Variants in FGD5 observed in about 807,000 individuals in gnomAD.
FGD5 encodes the protein FYVE, RhoGEF and PH domain-containing protein 5.
Under a neutral mutation model 133.4 loss-of-function variants are expected in FGD5, and 28 were observed. That is an observed-to-expected ratio of 0.21 (90% CI 0.16 to 0.29). The LOEUF is 0.29. FGD5 is among the 10% of genes least tolerant of loss of function. The pLI, the probability that FGD5 is intolerant of heterozygous loss-of-function variation, is 1.00. For synonymous variants in FGD5, 810 were observed against 776.5 expected, an observed-to-expected ratio of 1.04 and a Z score of -0.72; for missense variants, 1,858 against 1,895.2, an observed-to-expected ratio of 0.98 and a Z score of 0.36.
At chr3:14,913,355 A>G (rs973336334) in intron 11 of FGD5, among the ~76,000 whole-genome samples, 3 of 152,110 alleles carry the variant, frequency 2.0e-5, no homozygotes, top group Non-Finnish European at 4.4e-5. Flanking sequence ...ATCTAGAGCT[A>G]TAGATCTCAT....
chr3:14,843,683 G>A (rs1243647489), intron 1 of FGD5, among the ~76,000 whole-genome samples: 3 of 100,162 alleles, frequency 3.0e-5, no homozygotes, highest in African/African-American at 8.3e-5. Flanking sequence ...CATCCCCAGG[G>A]TGCTTTTTTT....
intron 18 of FGD5, 78 bp from the exon 19 acceptor site, chr3:14,932,499 A>G: frequency 6.7e-7 from 1 of 1,500,730 alleles, no homozygotes; most frequent in Non-Finnish European, 9.0e-7. Context: ...CTCTTCACGC[A>G]TCTCAGATTG....
At position 14,819,551 on chromosome 3, in the gene FGD5, G is replaced by A. The variant is rs1401343564; in HGVS notation, c.480G>A (p.Val160=). 3 of 1,551,470 alleles carry A rather than the reference G, an allele frequency of 1.9e-6. No individual in the cohort carries two copies. The highest frequency in any genetic ancestry group is 2.6e-6 in the Non-Finnish European group (3 of 1,146,984). ...ATGAGCCAGGGACACTGGAGCAGGT[G>A]TCCAGAAGTGAGGAGGAAGAGAAGC... ...CADEPGTLEQ[V]SRSEEEEKLV... The change falls in exon 1 of 20, where the codon GTG becomes GTA. Residue 160 remains valine, a synonymous_variant. Coordinates refer to ENST00000285046, the MANE Select transcript of FGD5 (RefSeq NM_152536.4). The surrounding 1 kb of genome is among the most constrained non-coding windows in gnomAD (Gnocchi z 4.1).
rs148560274 is a variant in FGD5 at position 14,886,645 on chromosome 3, C to T, written c.2748+5873C>T. On this transcript the variant is annotated intron_variant, in intron 4 of 19. Transcript: ENST00000285046. Reference sequence around the variant, plus strand: ...CTCCTCTGCACTCCCTCTCACACCTCGTTTTCTTCACACCACCTTTCCCTG... The same window carrying T: ...CTCCTCTGCACTCCCTCTCACACCTTGTTTTCTTCACACCACCTTTCCCTG... Among the ~76,000 whole-genome samples the T allele has an allele frequency of 3.8e-4, 58 of 152,316 alleles. No homozygotes were observed. The East Asian group carries it at 8.1e-3, about 21-fold the overall frequency.
At chr3:14,924,764 T>C (rs577568465) in intron 17 of FGD5, among the ~76,000 whole-genome samples, 1 of 152,166 alleles carries the variant, frequency 6.6e-6, no homozygotes, top group African/African-American at 2.4e-5. Context: ...ATAGGTACAG[T>C]TTTATCCATT....
intron 1 of FGD5, among the ~76,000 whole-genome samples, chr3:14,842,708 C>T (rs1418970807): frequency 6.6e-6 from 1 of 152,242 alleles, no homozygotes; most frequent in Non-Finnish European, 1.5e-5. Flanking sequence ...AACCCTCTGC[C>T]ATCTTCCCTG....
intron 2 of FGD5, among the ~76,000 whole-genome samples, chr3:14,870,678 A>G (rs2037590041): frequency 6.6e-6 from 1 of 152,136 alleles, no homozygotes; most frequent in African/African-American, 2.4e-5. Flanking sequence ...AGCCATGGCC[A>G]GCCCTACGCA....
intron 2 of FGD5, among the ~76,000 whole-genome samples, chr3:14,872,025 A>G (rs1035113662): frequency 1.3e-5 from 2 of 152,194 alleles, no homozygotes; most frequent in African/African-American, 4.8e-5. Context: ...CTGCCTGTTG[A>G]CAAGATCCTC....
rs771369054 is a variant in FGD5, at chr3:14,819,475, G to T, written c.404G>T (p.Gly135Val). 38 of 1,551,220 alleles carry T rather than the reference G, an allele frequency of 2.4e-5. No individual in the cohort carries two copies. The South Asian group carries it at 4.4e-4, about 18-fold the overall frequency. The change falls in exon 1 of 20, where the codon GGT (glycine) becomes GTT (valine). Residue 135 changes from glycine to valine, a missense_variant. By Grantham distance (109) the Gly-to-Val change is moderately radical. Coordinates refer to ENST00000285046, the MANE Select transcript of FGD5 (RefSeq NM_152536.4). The surrounding 1 kb of genome is among the most constrained non-coding windows in gnomAD (Gnocchi z 4.1). ...APGAGALSRE[G>V]EEGTDLALED... The stretch of plus-strand genomic sequence containing the variant: ...GGTGCAGGAGCGCTGAGCAGGGAGG[G>T]TGAGGAAGGCACAGACCTTGCTCTT...
At chr3:14,855,303 T>C (rs1363738366) in intron 1 of FGD5, among the ~76,000 whole-genome samples, 1 of 152,232 alleles carries the variant, frequency 6.6e-6, no homozygotes, top group Non-Finnish European at 1.5e-5. Context: ...CTGTGAATAG[T>C]GCTGCAGTAA....
intron 18 of FGD5, among the ~76,000 whole-genome samples, chr3:14,930,480 C>T (rs2038884034): frequency 6.6e-6 from 1 of 152,110 alleles, no homozygotes; most frequent in Non-Finnish European, 1.5e-5. Flanking sequence ...ACCTGTAATT[C>T]CAGCTACTTG....
Position 14,908,945 on chromosome 3 carries a change from T to TTCATTC in FGD5, c.3336+1234_3336+1235insTCATTC, listed in dbSNP as rs1553630938. Among the ~76,000 whole-genome samples, 7 of 143,448 alleles carry TTCATTC rather than the reference T, an allele frequency of 4.9e-5. No homozygotes were observed. In the South Asian group the frequency reaches 9.3e-4, roughly 19 times the overall value. 94.1% of individuals were successfully genotyped at this position (143,448 alleles called of 152,430 possible). A position where few individuals can be genotyped will look rare whatever the true frequency, so the allele number is the denominator to read the frequency against. On this transcript the variant is annotated intron_variant, in intron 10 of 19. Transcript: ENST00000285046. Reference sequence around the variant, plus strand: ...GAATTTATTTATTTATTTATTTATTTATTTATTCATTCATTCATTCATTCA... The same window carrying TTCATTC: ...GAATTTATTTATTTATTTATTTATTTTCATTCATTTATTCATTCATTCATTCATTCA...
intron 9 of FGD5, among the ~76,000 whole-genome samples, chr3:14,903,354 T>TTTA (rs529647828): frequency 0.022 from 3,352 of 151,542 alleles, 47 homozygotes; most frequent in South Asian, 0.037. Flanking sequence ...TATGAACATC[T>TTTA]TTATTATTAT....
At chr3:14,898,940 G>A in intron 7 of FGD5, 114 bp downstream of exon 7, 1 of 917,882 alleles carries the variant, frequency 1.1e-6, no homozygotes, top group Non-Finnish European at 1.7e-6. Flanking sequence ...GCAGGTGTTG[G>A]GGAAGGGTGA....
Position 14,880,614 on chromosome 3 carries a change from C to A in FGD5, c.2701C>A (p.Leu901Ile). The A allele has an allele frequency of 6.2e-7, 1 of 1,613,984 alleles. No homozygotes were observed. Among genetic ancestry groups the A allele is most frequent in the Non-Finnish European group, 8.5e-7 (1 of 1,179,888 alleles). ...AGCCCTTGTCATCGCACAGGAACTG[C>A]TATCTTCAGAGAAAGCGTGAGTCCC... ...SRALVIAQELLSSEKAYVEML... is the reference protein window; with the variant it reads ...SRALVIAQELISSEKAYVEML... Residue 901 changes from leucine (L) to isoleucine (I), a missense_variant, in exon 3 of 20, where the codon CTA (leucine) becomes ATA (isoleucine). This residue lies in a region of FGD5 where 1,824 missense variants were observed against 1,848.9 expected (regional missense o/e 0.99). Transcript: ENST00000285046.
intron 4 of FGD5, among the ~76,000 whole-genome samples, chr3:14,889,345 T>A (rs1306241224): frequency 6.6e-6 from 1 of 152,224 alleles, no homozygotes; most frequent in Non-Finnish European, 1.5e-5. Flanking sequence ...AATGGAATCA[T>A]AAATTAGGTA....
rs569563751 is a variant in FGD5, at chr3:14,865,763, A to G, written c.2658+1503A>G. On this transcript the variant is annotated intron_variant, in intron 2 of 19. Transcript: ENST00000285046. ...CACACAGCTAGTGAATGAAGGGGTCAGGTCTCAAGCACAGCTCTGGCTGGC... is the reference window on the plus strand; with the variant it reads ...CACACAGCTAGTGAATGAAGGGGTCGGGTCTCAAGCACAGCTCTGGCTGGC... Among the ~76,000 whole-genome samples the G allele has an allele frequency of 1.1e-3, 165 of 152,374 alleles. No homozygotes were observed. The Middle Eastern group carries it at 0.02, about 19-fold the overall frequency.
chr3:14,888,483 C>T (rs930852180), intron 4 of FGD5, among the ~76,000 whole-genome samples: 3 of 152,100 alleles, frequency 2.0e-5, no homozygotes, highest in Admixed American at 1.3e-4. Context: ...CTAAACATGG[C>T]GTATTTTCTA....
rs1160964611 is a variant in FGD5 at position 14,933,406 on chromosome 3, G to A, written c.*239G>A. On this transcript the variant is annotated 3_prime_UTR_variant, in exon 20 of 20. Transcript: ENST00000285046. ...GTGTTTTCCACCCCTACCCCCACCCGCCACCCAGTAATAAACTATTTCCTT... is the reference window on the plus strand; with the variant it reads ...GTGTTTTCCACCCCTACCCCCACCCACCACCCAGTAATAAACTATTTCCTT... 19 of 537,034 alleles carry A rather than the reference G, an allele frequency of 3.5e-5. No homozygotes were observed. Among genetic ancestry groups the A allele is most frequent in the Admixed American group, 6.4e-5 (2 of 31,164 alleles). The allele number at this position is 537,034 out of a possible 1,614,324, so 33.3% of individuals were successfully genotyped here. A position where few individuals can be genotyped will look rare whatever the true frequency, so the allele number is the denominator to read the frequency against.
Sources: gnomAD v4.1 joint callset for allele counts (sites outside exome capture counted in the v4.1 genomes callset) on GRCh38, gnomAD v4.1.1 for gene constraint, gnomAD v4.1.1 regional missense constraint, Gnocchi (gnomAD v3.1) non-coding constraint, MANE v1.5 for transcripts, NCBI Gene and HGNC (gene_info 2026-07-23, HGNC 2026-07-21) for gene names.